Variants in SPATA20 observed in about 807,000 individuals in gnomAD.
The protein encoded by SPATA20 is spermatogenesis associated 20.
A neutral mutation model predicts 98.9 loss-of-function variants in SPATA20; 74 were observed. That is an observed-to-expected ratio of 0.75 (90% CI 0.62 to 0.91). The LOEUF is 0.91. Among genes scored for constraint, SPATA20 ranks in the 40% least tolerant of loss-of-function variants. SPATA20 has a pLI of 0.00. For missense variants in SPATA20, 1,016 were observed against 1,069.8 expected (o/e 0.95, Z 0.70); for synonymous variants, 430 against 440.5 (o/e 0.98, Z 0.30).
chr17:50,549,978 C>T lies in SPATA20; in HGVS notation c.863-7C>T. The T allele has an allele frequency of 6.5e-7, 1 of 1,539,146 alleles. No homozygotes were observed. Among genetic ancestry groups the T allele is most frequent in the South Asian group, 1.2e-5 (1 of 80,432 alleles). Reference sequence around the variant, plus strand: ...CTCTCACCTGCATGTTCTTGGTGCCCCCACAGTGATCCTGAGCTTCCTGTT... The same window carrying T: ...CTCTCACCTGCATGTTCTTGGTGCCTCCACAGTGATCCTGAGCTTCCTGTT... On this transcript the variant is annotated splice_polypyrimidine_tract_variant and splice_region_variant and intron_variant, in intron 7 of 16. Transcript: ENST00000006658.
chr17:50,550,527 C>T lies in SPATA20; in HGVS notation c.1099-9C>T, dbSNP rs1597870493. On this transcript the variant is annotated splice_polypyrimidine_tract_variant and intron_variant, in intron 9 of 16. Coordinates refer to ENST00000006658, the MANE Select transcript of SPATA20 (RefSeq NM_022827.4). ...CTCTGTTCACAGTCTCCTTTCTTCC[C>T]TTTCTTAGCTCTCTGGTGATGAATT... The T allele has an allele frequency of 7.4e-6, 12 of 1,613,614 alleles. No individual in the cohort carries two copies. The East Asian group carries it at 2.7e-4, about 36-fold the overall frequency.
At chr17:50,554,217 T>G in intron 14 of SPATA20, 34 bp from the exon 15 acceptor site, 1 of 1,605,852 alleles carries the variant, frequency 6.2e-7, no homozygotes, top group East Asian at 2.2e-5. Context: ...TGACCTGCCC[T>G]TACCCCCACC....
rs2034994979 is a variant in SPATA20, at chr17:50,550,540, C to T, written c.1103C>T (p.Ser368Phe). The change falls in exon 10 of 17, where the codon TCT (serine) becomes TTT (phenylalanine). Residue 368 changes from serine (S) to phenylalanine (F), a missense_variant. Coordinates refer to ENST00000006658, the MANE Select transcript of SPATA20 (RefSeq NM_022827.4). ...AVAYSQAFQL[S>F]GDEFYSDVAK... ...CTCCTTTCTTCCCTTTCTTAGCTCT[C>T]TGGTGATGAATTCTACTCTGACGTG... is the stretch of plus-strand genomic sequence containing the variant. 1.9e-6 allele frequency: 3 copies of T among 1,613,944 alleles called. No homozygotes were observed. Among genetic ancestry groups the T allele is most frequent in the Admixed American group, 1.7e-5 (1 of 60,014 alleles).
chr17:50,549,276 C>T lies in SPATA20; in HGVS notation c.661-10C>T, dbSNP rs771431698. ...TAGCTGACCTCCAGGTGTGCCCCCA[C>T]CTCCCGCAGTGGAAACAGAACAAGA... On this transcript the variant is annotated splice_polypyrimidine_tract_variant and intron_variant, in intron 6 of 16. Transcript: ENST00000006658. 6 of 1,607,994 alleles carry T rather than the reference C, an allele frequency of 3.7e-6. No individual in the cohort carries two copies. In the Admixed American group the frequency reaches 1.0e-4, roughly 27 times the overall value.
intron 1 of SPATA20, 198 bp from the exon 2 acceptor site, chr17:50,547,522 G>A: frequency 1.5e-6 from 1 of 663,870 alleles, no homozygotes; most frequent in Non-Finnish European, 2.7e-6. Flanking sequence ...TGCAGTGCCA[G>A]CTCCTCAGGG....
intron 2 of SPATA20, 144 bp from the exon 3 acceptor site, chr17:50,548,139 A>C (rs1188237903): frequency 1.3e-6 from 2 of 1,492,304 alleles, no homozygotes; most frequent in East Asian, 4.9e-5. Context: ...CAAAGGCCAC[A>C]GTCTCCCCCA....
At chr17:50,555,196 C>T (rs981960895) in intron 15 of SPATA20, 36 bp from the exon 16 acceptor site, 1 of 1,589,402 alleles carries the variant, frequency 6.3e-7, no homozygotes, top group African/African-American at 1.3e-5. Flanking sequence ...CCCTCCCTCC[C>T]CTGACACACC....
Position 50,550,001 on chromosome 17 carries a change from G to T in SPATA20, c.879G>T (p.Leu293=). 6.4e-7 allele frequency: 1 copy of T among 1,553,422 alleles called. No homozygotes were observed. Among genetic ancestry groups the T allele is most frequent in the South Asian group, 1.2e-5 (1 of 83,160 alleles). The stretch of plus-strand genomic sequence containing the variant: ...CCCCCACAGTGATCCTGAGCTTCCT[G>T]TTCTCCTACTGGCTCAGCCATCGAC... ...KFPTPVILSF[L]FSYWLSHRLT... Residue 293 remains leucine, a synonymous_variant, in exon 8 of 17, where the codon CTG becomes CTT. Coordinates refer to ENST00000006658, the MANE Select transcript of SPATA20 (RefSeq NM_022827.4).
At chr17:50,549,590 C>G in intron 7 of SPATA20, 103 bp downstream of exon 7, 1 of 1,230,680 alleles carries the variant, frequency 8.1e-7, no homozygotes, top group Non-Finnish European at 1.1e-6. Flanking sequence ...TCCTGTCCTC[C>G]TGACTGGCAG....
chr17:50,551,858 A>G lies in SPATA20; in HGVS notation c.1746-111A>G, dbSNP rs1026405752. The G allele has an allele frequency of 8.9e-6, 11 of 1,232,946 alleles. No individual in the cohort carries two copies. In the Admixed American group the frequency reaches 1.2e-4, roughly 13 times the overall value. 76.4% of individuals were successfully genotyped at this position (1,232,946 alleles called of 1,614,324 possible). A position where few individuals can be genotyped will look rare whatever the true frequency, so the allele number is the denominator to read the frequency against. On this transcript the variant is annotated intron_variant, in intron 13 of 16. Coordinates refer to ENST00000006658, the MANE Select transcript of SPATA20 (RefSeq NM_022827.4). ...GAAGTGGGCTGATGGCACCTGCCCA[A>G]GAGGGTTCATCTGGAGGGTTAAGTG...
chr17:50,555,679 G>A lies in SPATA20; in HGVS notation c.*17G>A. 1.2e-6 allele frequency: 2 copies of A among 1,605,358 alleles called. No individual in the cohort carries two copies. Among genetic ancestry groups the A allele is most frequent in the Non-Finnish European group, 1.7e-6 (2 of 1,176,498 alleles). Reference sequence around the variant, plus strand: ...CATCCATGACTGCCCCAACCCCCTTGGGGTGGGGCAGAAGGTGAAGCATCC... The same window carrying A: ...CATCCATGACTGCCCCAACCCCCTTAGGGTGGGGCAGAAGGTGAAGCATCC... On this transcript the variant is annotated 3_prime_UTR_variant, in exon 17 of 17. Transcript: ENST00000006658.
rs569962186 is a variant in SPATA20, at chr17:50,555,122, C to T, written c.2158-110C>T. On this transcript the variant is annotated intron_variant, in intron 15 of 16. Transcript: ENST00000006658. ...CTGGCAGCTGAGATGAGTCCCTGTT[C>T]CTTCTTAGAGATATACGGTGGGGCG... The T allele has an allele frequency of 4.5e-5, 37 of 819,902 alleles. 1 individual carries two copies. In the South Asian group the frequency reaches 5.3e-4, roughly 12 times the overall value. The allele number at this position is 819,902 out of a possible 1,614,324, so 50.8% of individuals were successfully genotyped here. A position where few individuals can be genotyped will look rare whatever the true frequency, so the allele number is the denominator to read the frequency against.
intron 5 of SPATA20, 23 bp downstream of exon 5, chr17:50,548,987 G>A (rs765953689): frequency 1.2e-6 from 2 of 1,613,972 alleles, no homozygotes; most frequent in Non-Finnish European, 8.5e-7. Context: ...CCTCGGGAGT[G>A]TATGCGCCAC....
Position 50,550,201 on chromosome 17 carries a change from C to G in SPATA20, c.994-7C>G, listed in dbSNP as rs371268284. The G allele has an allele frequency of 1.2e-6, 2 of 1,612,560 alleles. No individual in the cohort carries two copies. Among genetic ancestry groups the G allele is most frequent in the Non-Finnish European group, 1.7e-6 (2 of 1,179,734 alleles). On this transcript the variant is annotated splice_polypyrimidine_tract_variant and splice_region_variant and intron_variant, in intron 8 of 16. Transcript: ENST00000006658. Reference sequence around the variant, plus strand: ...TGGGACTGGCCTCCAGCTTTGTATCCGCACAGGGCTTTCACCGCTACTCCA... The same window carrying G: ...TGGGACTGGCCTCCAGCTTTGTATCGGCACAGGGCTTTCACCGCTACTCCA...
At position 50,549,172 on chromosome 17, in the gene SPATA20, A is replaced by G; in HGVS notation, c.646A>G (p.Arg216Gly). 1.3e-6 allele frequency: 2 copies of G among 1,597,756 alleles called. No individual in the cohort carries two copies. The highest frequency in any genetic ancestry group is 1.7e-6 in the Non-Finnish European group (2 of 1,169,364). The change falls in exon 6 of 17, where the codon AGA (arginine) becomes GGA (glycine). Residue 216 changes from arginine to glycine, a missense_variant. Arg to Gly is a moderately radical substitution (Grantham distance 125, BLOSUM62 -2). Transcript: ENST00000006658. ...AGTCGGCTTCCGCACAGTGTTGCTGAGAATACGAGAACAGGTGGGTGTGCC... is the reference window on the plus strand; with the variant it reads ...AGTCGGCTTCCGCACAGTGTTGCTGGGAATACGAGAACAGGTGGGTGTGCC... ...TRVGFRTVLL[R>G]IREQWKQNKN...
chr17:50,548,992 C>T (rs749063147), intron 5 of SPATA20, 28 bp downstream of exon 5: 51 of 1,614,030 alleles, frequency 3.2e-5, no homozygotes, highest in Non-Finnish European at 3.9e-5. Flanking sequence ...GGAGTGTATG[C>T]GCCACATGGG....
At chr17:50,547,934 C>A in intron 2 of SPATA20, 167 bp downstream of exon 2, 6 of 1,507,718 alleles carry the variant, frequency 4.0e-6, no homozygotes, top group South Asian at 1.2e-5. Flanking sequence ...AGCAGCTGCT[C>A]CAGGAAGGGC....
chr17:50,547,993 C>T, intron 2 of SPATA20: 2 of 1,483,580 alleles, frequency 1.3e-6, no homozygotes, highest in Non-Finnish European at 1.8e-6. Context: ...AAGAACCATT[C>T]TGCCCATTGT....
rs980220202 is a variant in SPATA20, at chr17:50,551,527, C to T, written c.1593C>T (p.Gly531=). The T allele has an allele frequency of 6.3e-7, 1 of 1,596,416 alleles. No individual in the cohort carries two copies. Among genetic ancestry groups the T allele is most frequent in the African/African-American group, 1.3e-5 (1 of 74,756 alleles). ...TGGCTCCAGGCTTGATGGTGTCAGG[C>T]TATGCTGTGACTGGGGCTGTCCTGG... ...LAAWNGLMVS[G]YAVTGAVLGQ... Residue 531 remains glycine, a synonymous_variant, in exon 13 of 17, where the codon GGC becomes GGT. Coordinates refer to ENST00000006658, the MANE Select transcript of SPATA20 (RefSeq NM_022827.4).
Sources: gnomAD v4.1 joint callset for allele counts on GRCh38, gnomAD v4.1.1 for gene constraint, MANE v1.5 for transcripts, NCBI Gene and HGNC (gene_info 2026-07-23, HGNC 2026-07-21) for gene names.